EVC: variants seen among roughly 807,000 people sequenced by gnomAD.
The protein encoded by EVC is EvC ciliary complex subunit 1, also known as evC complex member EVC.
A neutral mutation model predicts 118.9 loss-of-function variants in EVC; 116 were observed. That is an observed-to-expected ratio of 0.98 (90% CI 0.84 to 1.14). EVC has a LOEUF of 1.14. EVC is among the 50% of genes most tolerant of loss of function. The probability of loss-of-function intolerance (pLI) is 0.00; values close to 1 mark genes in which losing one functional copy is unlikely to be tolerated. For missense variants in EVC, 1,401 were observed against 1,246.4 expected (o/e 1.12, Z -1.87); for synonymous variants, 619 against 534.7 (o/e 1.16, Z -2.18).
chr4:5,807,468 G>A (rs530407648), intron 17 of EVC, among the ~76,000 whole-genome samples: 74 of 152,160 alleles, frequency 4.9e-4, no homozygotes, highest in Non-Finnish European at 9.4e-4. Flanking sequence ...CTAGAAATTC[G>A]ACCCCTTTCA....
chr4:5,780,383 G>A (rs1265693733), intron 11 of EVC, among the ~76,000 whole-genome samples: 1 of 152,168 alleles, frequency 6.6e-6, no homozygotes, highest in Non-Finnish European at 1.5e-5. Context: ...ATGAGTCCAA[G>A]AGTCCAATGG....
Position 5,805,070 on chromosome 4 carries a change from TC to T in EVC, c.2561+232del, listed in dbSNP as rs3214939. 0.1 allele frequency among the ~76,000 whole-genome samples: 15,635 copies of T among 152,006 alleles called. 1,053 individuals carry two copies. The highest frequency in any genetic ancestry group is 0.21 in the South Asian group (1,027 of 4,796). On this transcript the variant is annotated intron_variant, in intron 17 of 20. Transcript: ENST00000264956. The stretch of plus-strand genomic sequence containing the variant: ...GGTCATGGTGTGGTGGCAGCTTCAT[TC>T]CCAGGTTTAAGTGGCATTCACAGCC...
chr4:5,813,578 T>G lies in EVC; in HGVS notation c.*2541T>G, dbSNP rs1297095362. On this transcript the variant is annotated 3_prime_UTR_variant, in exon 21 of 21. Transcript: ENST00000264956. ...ATGGCTCCTCCCGGGGAAGCCTGAT[T>G]TTGTGACGTGTGTATAGTAAATGCA... 6.6e-6 allele frequency: 1 copy of G among 152,130 alleles called. No individual in the cohort carries two copies. Among genetic ancestry groups the G allele is most frequent in the African/African-American group, 2.4e-5 (1 of 41,414 alleles). The allele number at this position is 152,130 out of a possible 1,614,324, so 9.4% of individuals were successfully genotyped here.
Position 5,755,834 on chromosome 4 carries a change from G to A in EVC, c.1465-430G>A, listed in dbSNP as rs1289427439. Among the ~76,000 whole-genome samples, 1 of 152,090 alleles carries A rather than the reference G, an allele frequency of 6.6e-6. No homozygotes were observed. ...TGCTCTGCTGGGGTCCTCAGGGAAGGGCCTCCACCCCGTGGTCACAGTGGG... is the reference window on the plus strand; with the variant it reads ...TGCTCTGCTGGGGTCCTCAGGGAAGAGCCTCCACCCCGTGGTCACAGTGGG... On this transcript the variant is annotated intron_variant, in intron 10 of 20. Transcript: ENST00000264956. The surrounding 1 kb of genome is among the most constrained non-coding windows in gnomAD (Gnocchi z 4.1).
intron 17 of EVC, 79 bp downstream of exon 17, chr4:5,804,920 C>A: frequency 7.8e-7 from 1 of 1,286,718 alleles, no homozygotes; most frequent in Non-Finnish European, 1.1e-6. Flanking sequence ...GTGCCGTCAG[C>A]AGGTGCCGTC....
chr4:5,810,439 A>G lies in EVC; in HGVS notation c.2883A>G (p.Ser961=), dbSNP rs1248488328. 3.1e-6 allele frequency: 5 copies of G among 1,610,956 alleles called. No individual in the cohort carries two copies. The highest frequency in any genetic ancestry group is 2.2e-5 in the East Asian group (1 of 44,820). ...NEDLASGDQT[S]GSLSSKRLSQ... ...ACCTTGCCTCCGGGGACCAGACCTC[A>G]GGCTCACTCAGGTATGACTGGGCCC... Residue 961 remains serine (S), a synonymous_variant, in exon 20 of 21, where the codon TCA becomes TCG. Transcript: ENST00000264956.
chr4:5,741,645 A>C, intron 5 of EVC, 71 bp from the exon 6 acceptor site: 4 of 886,900 alleles, frequency 4.5e-6, no homozygotes, highest in Admixed American at 3.8e-5. Context: ...GAGAAGAGAA[A>C]ACAGAAAGCA....
chr4:5,742,283 AT>A lies in EVC; in HGVS notation c.801+470del, dbSNP rs1728717907. On this transcript the variant is annotated intron_variant, in intron 6 of 20. Coordinates refer to ENST00000264956, the MANE Select transcript of EVC (RefSeq NM_153717.3). This position sits in a 1 kb window ranked among gnomAD's most constrained non-coding sequence, Gnocchi z 5.2. ...CTCAGAATCGTAGTTTCCTTTTTGT[AT>A]AGTGAGATAATTCCTGTTCTGCGAG... is the stretch of plus-strand genomic sequence containing the variant. 6.6e-6 allele frequency among the ~76,000 whole-genome samples: 1 copy of A among 152,162 alleles called. No individual in the cohort carries two copies. The highest frequency in any genetic ancestry group is 2.4e-5 in the African/African-American group (1 of 41,428).
At position 5,793,642 on chromosome 4, in the gene EVC, T is replaced by A. The variant is rs1309387390; in HGVS notation, c.1811T>A (p.Leu604Gln). 5.2e-6 allele frequency: 8 copies of A among 1,552,412 alleles called. No individual in the cohort carries two copies. Among genetic ancestry groups the A allele is most frequent in the African/African-American group, 1.4e-5 (1 of 73,098 alleles). ...GAGGAGTGTGCGCTGTCCAGCGTGC[T>A]GCAGACACACCTGCGGGAGGACCAC... ...WMEECALSSVLQTHLREDHEG... is the reference protein window; with the variant it reads ...WMEECALSSVQQTHLREDHEG... Residue 604 changes from leucine (L) to glutamine (Q), a missense_variant, in exon 13 of 21, where the codon CTG becomes CAG. By Grantham distance (113) the Leu-to-Gln change is moderately radical. Coordinates refer to ENST00000264956, the MANE Select transcript of EVC (RefSeq NM_153717.3).
At chr4:5,786,658 G>A (rs1160685958) in intron 12 of EVC, among the ~76,000 whole-genome samples, 1 of 152,164 alleles carries the variant, frequency 6.6e-6, no homozygotes, top group Non-Finnish European at 1.5e-5. Flanking sequence ...CGGATCATGA[G>A]GTCAGGAGAT....
At chr4:5,759,434 G>A (rs893025284) in intron 11 of EVC, among the ~76,000 whole-genome samples, 17 of 152,182 alleles carry the variant, frequency 1.1e-4, no homozygotes, top group Middle Eastern at 3.4e-3. Flanking sequence ...CAGACATCTG[G>A]GGTTCAAATT....
intron 1 of EVC, among the ~76,000 whole-genome samples, chr4:5,711,818 T>C (rs1049422945): frequency 3.9e-5 from 6 of 152,214 alleles, no homozygotes; most frequent in Non-Finnish European, 7.3e-5. Context: ...GCGCCACGCC[T>C]CGGTCTCCTC....
At chr4:5,711,817 C>T (rs1406830058) in intron 1 of EVC, among the ~76,000 whole-genome samples, 1 of 152,240 alleles carries the variant, frequency 6.6e-6, no homozygotes, top group African/African-American at 2.4e-5. Flanking sequence ...TGCGCCACGC[C>T]TCGGTCTCCT....
chr4:5,714,807 GTTTTTTGTTTT>G (rs1448619282), intron 1 of EVC, among the ~76,000 whole-genome samples: 1 of 151,588 alleles, frequency 6.6e-6, no homozygotes, highest in African/African-American at 2.4e-5. Flanking sequence ...TTTTTTGTTT[GTTTTTTGTTTT>G]GTTTGAGATA....
At chr4:5,741,489 C>CT (rs1272426036) in intron 5 of EVC, among the ~76,000 whole-genome samples, 1 of 152,154 alleles carries the variant, frequency 6.6e-6, no homozygotes, top group Non-Finnish European at 1.5e-5. Context: ...AGAAAGGAAG[C>CT]TTTTTAAGGA....
chr4:5,765,893 G>A (rs1213857594), intron 11 of EVC, among the ~76,000 whole-genome samples: 1 of 146,834 alleles, frequency 6.8e-6, no homozygotes, highest in Admixed American at 6.7e-5. Context: ...GGAGCATTTA[G>A]TCCATTTACA....
At chr4:5,794,263 A>ATATATATTTTTATATATT in intron 13 of EVC, among the ~76,000 whole-genome samples, 1 of 122,536 alleles carries the variant, frequency 8.2e-6, no homozygotes, top group African/African-American at 3.0e-5. Flanking sequence ...ATATGTATTT[A>ATATATATTTTTATATATT]TATATTTATA....
intron 2 of EVC, among the ~76,000 whole-genome samples, chr4:5,724,386 T>C (rs1725464949): frequency 6.6e-6 from 1 of 152,222 alleles, no homozygotes; most frequent in Non-Finnish European, 1.5e-5. Context: ...TATAGGTTTC[T>C]GAACACGGTG....
chr4:5,798,965 C>A lies in EVC; in HGVS notation c.2304+173C>A, dbSNP rs1310873872. Among the ~76,000 whole-genome samples, 1 of 152,144 alleles carries A rather than the reference C, an allele frequency of 6.6e-6. No individual in the cohort carries two copies. Among genetic ancestry groups the A allele is most frequent in the African/African-American group, 2.4e-5 (1 of 41,424 alleles). On this transcript the variant is annotated intron_variant, in intron 15 of 20. Coordinates refer to ENST00000264956, the MANE Select transcript of EVC (RefSeq NM_153717.3). This position sits in a 1 kb window ranked among gnomAD's most constrained non-coding sequence, Gnocchi z 4.1. Reference sequence around the variant, plus strand: ...CTGTAAGGTGGGATCTTCTCCCTCGCAGAATGGGGAGGGGCAGTCGCAGCA... The same window carrying A: ...CTGTAAGGTGGGATCTTCTCCCTCGAAGAATGGGGAGGGGCAGTCGCAGCA...
Sources: gnomAD v4.1 joint callset for allele counts (sites outside exome capture counted in the v4.1 genomes callset) on GRCh38, gnomAD v4.1.1 for gene constraint, Gnocchi (gnomAD v3.1) non-coding constraint, MANE v1.5 for transcripts, NCBI Gene and HGNC (gene_info 2026-07-23, HGNC 2026-07-21) for gene names.